QTMAN: variants seen among roughly 807,000 people sequenced by gnomAD.
QTMAN encodes tRNA-queuosine alpha-mannosyltransferase.
the QTMAN span, among the ~76,000 whole-genome samples, chr2:144,105,739 A>T: frequency 1.3e-5 from 2 of 152,214 alleles, no homozygotes; most frequent in Non-Finnish European, 2.9e-5. Flanking sequence ...ATTCAAATTC[A>T]GGAAATATAG....
the QTMAN span, among the ~76,000 whole-genome samples, chr2:144,081,355 T>C: frequency 3.3e-5 from 5 of 152,188 alleles, no homozygotes; most frequent in Non-Finnish European, 7.3e-5. Flanking sequence ...TGCTTAACTT[T>C]TTCTCCTTCT....
At chr2:143,944,069 A>G in the QTMAN span, 1 of 152,262 alleles carries the variant, frequency 6.6e-6, no homozygotes, top group African/African-American at 2.4e-5. Flanking sequence ...TTTTCCATCA[A>G]ACATACTCAA....
the QTMAN span, among the ~76,000 whole-genome samples, chr2:144,303,057 G>A: frequency 6.6e-6 from 1 of 152,062 alleles, no homozygotes; most frequent in Non-Finnish European, 1.5e-5. Flanking sequence ...AGCAGAGATC[G>A]CACCATTGCA....
chr2:143,981,108 CTGA>C, the QTMAN span, among the ~76,000 whole-genome samples: 4 of 152,220 alleles, frequency 2.6e-5, no homozygotes, highest in African/African-American at 4.8e-5. Flanking sequence ...TCATATACTA[CTGA>C]TGATTTCATG....
the QTMAN span, chr2:144,006,945 T>C: frequency 2.5e-6 from 1 of 403,228 alleles, no homozygotes; most frequent in Non-Finnish European, 4.4e-6. Context: ...TACCCACTAC[T>C]GTTAGTTGAG....
the QTMAN span, among the ~76,000 whole-genome samples, chr2:144,133,010 G>A: frequency 1.4e-5 from 2 of 143,508 alleles, no homozygotes; most frequent in East Asian, 4.1e-4. Context: ...ATTTGCCCTA[G>A]GCTGAACAGT....
At chr2:143,969,835 G>A in the QTMAN span, among the ~76,000 whole-genome samples, 1 of 152,200 alleles carries the variant, frequency 6.6e-6, no homozygotes, top group Non-Finnish European at 1.5e-5. Context: ...GATGCAGGCT[G>A]GGTGTAGTTC....
chr2:144,286,427 T>A, the QTMAN span, among the ~76,000 whole-genome samples: 1 of 152,206 alleles, frequency 6.6e-6, no homozygotes, highest in Non-Finnish European at 1.5e-5. Context: ...TTATCCTCCT[T>A]GTAAATTAGC....
chr2:144,214,069 T>C, the QTMAN span, among the ~76,000 whole-genome samples: 1 of 152,092 alleles, frequency 6.6e-6, no homozygotes, highest in Admixed American at 6.6e-5. Flanking sequence ...TGAAATCTCA[T>C]TAAATAGTAA....
the QTMAN span, among the ~76,000 whole-genome samples, chr2:144,164,511 T>G: frequency 6.6e-6 from 1 of 152,222 alleles, no homozygotes; most frequent in Admixed American, 6.5e-5. Flanking sequence ...GTTTCTACTC[T>G]TACTATTCTT....
chr2:144,089,722 T>A, the QTMAN span, among the ~76,000 whole-genome samples: 1 of 151,960 alleles, frequency 6.6e-6, no homozygotes, highest in African/African-American at 2.4e-5. Flanking sequence ...AGTAAAAAGT[T>A]TGATCACATG....
At chr2:144,288,455 G>T in the QTMAN span, among the ~76,000 whole-genome samples, 1 of 151,984 alleles carries the variant, frequency 6.6e-6, no homozygotes, top group Non-Finnish European at 1.5e-5. Context: ...AATCTAATAC[G>T]TTTTCAGAGC....
the QTMAN span, among the ~76,000 whole-genome samples, chr2:144,226,166 C>T: frequency 6.6e-6 from 1 of 151,994 alleles, no homozygotes; most frequent in Non-Finnish European, 1.5e-5. Context: ...AAGATAAAGA[C>T]AGTAAAAAAT....
chr2:144,039,558 C>G, the QTMAN span, among the ~76,000 whole-genome samples: 1 of 152,120 alleles, frequency 6.6e-6, no homozygotes, highest in Non-Finnish European at 1.5e-5. Flanking sequence ...GTGGCAAATC[C>G]TTTATTTTGT....
chr2:144,249,378 G>A, the QTMAN span, among the ~76,000 whole-genome samples: 2 of 152,156 alleles, frequency 1.3e-5, no homozygotes, highest in African/African-American at 2.4e-5. Context: ...TTTTCAGCAC[G>A]CTTTCAGAAT....
chr2:143,957,300 A>C, the QTMAN span: 1 of 1,608,120 alleles, frequency 6.2e-7, no homozygotes, highest in Admixed American at 1.7e-5. Flanking sequence ...CCAGTGTAAG[A>C]CAGAAGATCC....
chr2:144,182,860 TAA>T, the QTMAN span, among the ~76,000 whole-genome samples: 38 of 70,238 alleles, frequency 5.4e-4, no homozygotes, highest in Non-Finnish European at 7.6e-4. Context: ...ATTTTATATA[TAA>T]TATATATATA....
the QTMAN span, among the ~76,000 whole-genome samples, chr2:144,194,916 T>C: frequency 6.6e-6 from 1 of 152,072 alleles, no homozygotes. Context: ...CCTCCACATT[T>C]TAAAAAGTAA....
the QTMAN span, among the ~76,000 whole-genome samples, chr2:144,075,300 AAC>A: frequency 3.9e-5 from 6 of 152,246 alleles, no homozygotes; most frequent in Non-Finnish European, 7.3e-5. Context: ...TCTGGGTCGT[AAC>A]ACGCACTCAC....
Sources: allele counts gnomAD v4.1 joint callset (sites outside exome capture counted in the v4.1 genomes callset), GRCh38; gene constraint gnomAD v4.1.1; transcripts MANE v1.5; gene names NCBI Gene and HGNC (gene_info 2026-07-23, HGNC 2026-07-21).